DIP2A: variants seen among roughly 807,000 people sequenced by gnomAD.
DIP2A encodes the protein disco-interacting protein 2 homolog A.
In DIP2A, 85 loss-of-function variants were observed where a neutral mutation model predicts 177.4. The ratio of observed to expected loss-of-function variants is 0.48; its 90% CI spans 0.40 to 0.57. The LOEUF (loss-of-function observed/expected upper bound fraction) is 0.57. Among genes scored for constraint, DIP2A ranks in the 20% least tolerant of loss-of-function variants. The probability of loss-of-function intolerance (pLI) is 0.00; values close to 1 mark genes in which losing one functional copy is unlikely to be tolerated. For synonymous variants in DIP2A, 886 were observed against 881.8 expected, an observed-to-expected ratio of 1.00 and a Z score of -0.08; for missense variants, 1,791 against 2,100.2, an observed-to-expected ratio of 0.85 and a Z score of 2.88.
intron 1 of DIP2A, among the ~76,000 whole-genome samples, chr21:46,466,960 A>C (rs537719414): frequency 5.3e-4 from 80 of 152,274 alleles, no homozygotes; most frequent in African/African-American, 1.8e-3. Context: ...TTAGTAAAAA[A>C]TATTATTTAC....
intron 3 of DIP2A, among the ~76,000 whole-genome samples, chr21:46,495,223 T>TCTTCTCTTCC (rs2057255682): frequency 2.1e-5 from 2 of 96,658 alleles, no homozygotes; most frequent in Admixed American, 2.1e-4. Flanking sequence ...TCTTCTCTTC[T>TCTTCTCTTCC]CTTCTCTTCT....
At chr21:46,483,331 A>T (rs1233512340) in intron 1 of DIP2A, among the ~76,000 whole-genome samples, 3 of 144,058 alleles carry the variant, frequency 2.1e-5, no homozygotes, top group African/African-American at 5.5e-5. Flanking sequence ...TCTAAAAGAC[A>T]CTAAATGCAA....
chr21:46,527,545 C>T (rs1029928507), intron 8 of DIP2A, among the ~76,000 whole-genome samples: 2 of 151,804 alleles, frequency 1.3e-5, no homozygotes, highest in South Asian at 2.1e-4. Flanking sequence ...AGTCTGGTCT[C>T]GAACTCCTGA....
chr21:46,556,418 T>C lies in DIP2A; in HGVS notation c.3498+327T>C. On this transcript the variant is annotated intron_variant, in intron 29 of 37. Coordinates refer to ENST00000417564, the MANE Select transcript of DIP2A (RefSeq NM_015151.4). This position sits in a 1 kb window ranked among gnomAD's most constrained non-coding sequence, Gnocchi z 4.5. ...AATTTTTCAGGCGGGGCGTGGTGGC[T>C]CACGCCTGTAATCCCAGCACTTCGG... The C allele has an allele frequency of 7.5e-7, 1 of 1,326,744 alleles. No individual in the cohort carries two copies. Among genetic ancestry groups the C allele is most frequent in the Non-Finnish European group, 1.0e-6 (1 of 1,002,732 alleles). The allele number at this position is 1,326,744 out of a possible 1,614,324, so 82.2% of individuals were successfully genotyped here. A position where few individuals can be genotyped will look rare whatever the true frequency, so the allele number is the denominator to read the frequency against.
At chr21:46,532,783 C>G (rs887681896) in intron 10 of DIP2A, among the ~76,000 whole-genome samples, 3 of 151,744 alleles carry the variant, frequency 2.0e-5, no homozygotes, top group Non-Finnish European at 4.4e-5. Context: ...TCTTGCTGAT[C>G]TAGGTATCTG....
At chr21:46,459,266 C>A (rs1388711548) in intron 1 of DIP2A, 44 bp downstream of exon 1, 26 of 1,470,248 alleles carry the variant, frequency 1.8e-5, no homozygotes, top group Non-Finnish European at 2.4e-5. Context: ...CGCCCTCAGC[C>A]CGGTCCCCCG....
At chr21:46,476,174 C>T (rs1338044024) in intron 1 of DIP2A, among the ~76,000 whole-genome samples, 2 of 151,192 alleles carry the variant, frequency 1.3e-5, no homozygotes, top group South Asian at 2.1e-4. Flanking sequence ...ACCCGGGAGG[C>T]GGAGCTTGCA....
At chr21:46,504,283 T>C (rs2057860043) in intron 5 of DIP2A, 78 bp from the exon 6 acceptor site, 2 of 1,564,142 alleles carry the variant, frequency 1.3e-6, no homozygotes, top group South Asian at 2.3e-5. Flanking sequence ...AGCTTTAGAC[T>C]AACGGGGTTT....
chr21:46,474,751 G>A (rs894605289), intron 1 of DIP2A, among the ~76,000 whole-genome samples: 60 of 152,140 alleles, frequency 3.9e-4, no homozygotes, highest in African/African-American at 1.4e-3. Context: ...CCAAGTAGCT[G>A]GAACTATAGC....
At chr21:46,553,475 T>C (rs2060346081) in intron 25 of DIP2A, 1 of 152,258 alleles carries the variant, frequency 6.6e-6, no homozygotes. Flanking sequence ...GGTATTTCTG[T>C]TTGCCTTGAA....
intron 32 of DIP2A, chr21:46,558,696 TA>T: frequency 2.6e-6 from 1 of 391,922 alleles, no homozygotes; most frequent in Non-Finnish European, 4.7e-6. Flanking sequence ...AGATTGAACT[TA>T]CTGTTTTAAG....
intron 1 of DIP2A, among the ~76,000 whole-genome samples, chr21:46,477,571 T>G (rs76705839): frequency 0.013 from 849 of 66,082 alleles, 12 homozygotes; most frequent in Admixed American, 0.02. Flanking sequence ...GTGTGTGTAT[T>G]TCTTTTTTTT....
rs765612154 is a variant in DIP2A, at chr21:46,534,650, G to T, written c.1605G>T (p.Gln535His). Residue 535 changes from glutamine (Q) to histidine (H), a missense_variant, in exon 13 of 38, where the codon CAG becomes CAT. Transcript: ENST00000417564. ...TGTCCCACGCATCCCTGCTGGCACA[G>T]TGCCGGGCTCTGACCCAGGCGTGCG... ...VTVSHASLLAQCRALTQACGY... is the reference protein window; with the variant it reads ...VTVSHASLLAHCRALTQACGY... The T allele has an allele frequency of 1.9e-6, 3 of 1,612,064 alleles. No homozygotes were observed. The South Asian group carries it at 3.3e-5, about 18-fold the overall frequency.
chr21:46,524,042 G>A (rs2058952119), intron 8 of DIP2A, among the ~76,000 whole-genome samples: 1 of 152,198 alleles, frequency 6.6e-6, no homozygotes, highest in Non-Finnish European at 1.5e-5. Context: ...AGTAATGAAG[G>A]GATCTTTTCC....
At chr21:46,495,244 T>TTCTTTCTCTCTCTCTCTCTC (rs2057274679) in intron 3 of DIP2A, among the ~76,000 whole-genome samples, 16 of 38,182 alleles carry the variant, frequency 4.2e-4, no homozygotes, top group African/African-American at 1.3e-3. Context: ...CTTCTCTTCT[T>TTCTTTCTCTCTCTCTCTCTC]TCTCTCTCTC....
Position 46,557,109 on chromosome 21 carries a change from C to G in DIP2A, c.3629+40C>G, listed in dbSNP as rs1187969357. 1.9e-6 allele frequency: 3 copies of G among 1,556,936 alleles called. No individual in the cohort carries two copies. The African/African-American group carries it at 4.1e-5, about 21-fold the overall frequency. On this transcript the variant is annotated intron_variant, in intron 30 of 37. Coordinates refer to ENST00000417564, the MANE Select transcript of DIP2A (RefSeq NM_015151.4). The surrounding 1 kb of genome is among the most constrained non-coding windows in gnomAD (Gnocchi z 6.0). The stretch of plus-strand genomic sequence containing the variant: ...CCTGCTGCCTGCCAGGTGGGAGCAG[C>G]TCGTGTGGCTCTTAGGAACCTTGGC...
At chr21:46,509,129 G>T (rs1412707559) in intron 6 of DIP2A, 128 bp from the exon 7 acceptor site, 2 of 1,027,386 alleles carry the variant, frequency 1.9e-6, no homozygotes, top group African/African-American at 3.3e-5. Context: ...TGACTGTCCA[G>T]TGGGGCCCAC....
At chr21:46,506,724 T>TTTCTTTCTTTC (rs149327676) in intron 6 of DIP2A, among the ~76,000 whole-genome samples, 4,221 of 78,852 alleles carry the variant, frequency 0.054, 321 homozygotes, top group East Asian at 0.1. Context: ...TTGTGCTTGT[T>TTTCTTTCTTTC]TTTCTTTCTT....
rs1268478991 is a variant in DIP2A, at chr21:46,504,502, CTCTT to C, written c.784+17_784+20del. 3 of 1,592,892 alleles carry C rather than the reference CTCTT, an allele frequency of 1.9e-6. No individual in the cohort carries two copies. The African/African-American group carries it at 4.0e-5, about 21-fold the overall frequency. ...GAAACAGCAGATGGTGAGCCTGCCT[CTCTT>C]TCTCCTCGTGAAATAGCAGAACACA... is the stretch of plus-strand genomic sequence containing the variant. On this transcript the variant is annotated intron_variant, in intron 6 of 37. Transcript: ENST00000417564.
Sources: allele counts gnomAD v4.1 joint callset (sites outside exome capture counted in the v4.1 genomes callset), GRCh38; gene constraint gnomAD v4.1.1; non-coding constraint Gnocchi (gnomAD v3.1); transcripts MANE v1.5; gene names NCBI Gene and HGNC (gene_info 2026-07-23, HGNC 2026-07-21).